PEX11B: variants seen among roughly 807,000 people sequenced by gnomAD.
PEX11B encodes the protein peroxisomal biogenesis factor 11 beta, also known as peroxisomal membrane protein 11B.
Under a neutral mutation model 28.2 loss-of-function variants are expected in PEX11B, and 18 were observed. The ratio of observed to expected loss-of-function variants is 0.64; its 90% confidence interval spans 0.44 to 0.95. The LOEUF is 0.95. Ranked by LOEUF, PEX11B falls within the 40% of genes least tolerant of loss-of-function variation. The pLI, the probability that PEX11B is intolerant of heterozygous loss-of-function variation, is 0.00. For missense variants in PEX11B, 305 were observed against 319.8 expected (o/e 0.95, Z 0.35); for synonymous variants, 128 against 128.7 (o/e 0.99, Z 0.04).
intron 3 of PEX11B, among the ~76,000 whole-genome samples, chr1:145,914,841 T>C (rs1647290259): frequency 6.6e-6 from 1 of 152,226 alleles, no homozygotes. Context: ...TTTAATTTAT[T>C]GTTTATTTAT....
Position 145,912,030 on chromosome 1 carries a change from TC to T in PEX11B, c.*130del, listed in dbSNP as rs1559221110. ...CTTACCTCATCTTCCCCAAAGCTCT[TC>T]CTCCACCCCTAAATCTCTGAATTTC... is the stretch of plus-strand genomic sequence containing the variant. On this transcript the variant is annotated 3_prime_UTR_variant, in exon 4 of 4. Coordinates refer to ENST00000369306, the MANE Select transcript of PEX11B (RefSeq NM_003846.3). 3.1e-6 allele frequency: 2 copies of T among 654,864 alleles called. No individual in the cohort carries two copies. Among genetic ancestry groups the T allele is most frequent in the Admixed American group, 3.6e-5 (1 of 27,954 alleles). 40.6% of individuals were successfully genotyped at this position (654,864 alleles called of 1,614,324 possible). A position where few individuals can be genotyped will look rare whatever the true frequency, so the allele number is the denominator to read the frequency against.
At chr1:145,915,048 C>T (rs1448417961) in intron 3 of PEX11B, among the ~76,000 whole-genome samples, 1 of 151,944 alleles carries the variant, frequency 6.6e-6, no homozygotes, top group Non-Finnish European at 1.5e-5. Flanking sequence ...GGATTACAGG[C>T]ATGCGCCACC....
intron 2 of PEX11B, among the ~76,000 whole-genome samples, chr1:145,917,410 G>A (rs967257260): frequency 1.3e-5 from 2 of 152,096 alleles, no homozygotes; most frequent in Non-Finnish European, 2.9e-5. Flanking sequence ...TGACCTGGAC[G>A]AGAGACTCTG....
chr1:145,914,373 CAA>C (rs782609110), intron 3 of PEX11B, among the ~76,000 whole-genome samples: 2 of 116,492 alleles, frequency 1.7e-5, no homozygotes, highest in Non-Finnish European at 1.9e-5. Flanking sequence ...GACTCCATCT[CAA>C]AAAAAAAAAA....
rs200537584 is a variant in PEX11B at position 145,917,779 on chromosome 1, G to C, written c.94C>G (p.Leu32Val). Residue 32 changes from leucine (L) to valine (V), a missense_variant, in exon 2 of 4, where the codon CTG becomes GTG. By Grantham distance (32) the Leu-to-Val change is conservative (BLOSUM62 1). Transcript: ENST00000369306. Reference sequence around the variant, plus strand: ...TCAGGACTGGCTCCATGCCTCTGCAGCGCATGGCCAAGAAGAGAGCAAGCA... The same window carrying C: ...TCAGGACTGGCTCCATGCCTCTGCACCGCATGGCCAAGAAGAGAGCAAGCA... ...QYACSLLGHA[L>V]QRHGASPELQ... 6.2e-7 allele frequency: 1 copy of C among 1,613,640 alleles called. No individual in the cohort carries two copies. Among genetic ancestry groups the C allele is most frequent in the East Asian group, 2.2e-5 (1 of 44,874 alleles).
At chr1:145,917,094 C>CA in intron 2 of PEX11B, 76 bp from the exon 3 acceptor site, 1 of 946,526 alleles carries the variant, frequency 1.1e-6, no homozygotes, top group Non-Finnish European at 1.7e-6. Context: ...ACAGAGAAAG[C>CA]AAGAGGGCAA....
rs2101860528 is a variant in PEX11B at position 145,915,424 on chromosome 1, A to T, written c.374+1393T>A. ...AAATCACTGAGAAAGATGAAGGGAA[A>T]AGCAAGGTTAATATAATGAAAAAGT... On this transcript the variant is annotated intron_variant, in intron 3 of 3. Transcript: ENST00000369306. Among the ~76,000 whole-genome samples the T allele has an allele frequency of 1.3e-5, 2 of 152,298 alleles. 1 individual carries two copies. The highest frequency in any genetic ancestry group is 4.2e-4 in the South Asian group (2 of 4,818).
chr1:145,917,796 G>C lies in PEX11B; in HGVS notation c.77C>G (p.Ser26Cys), dbSNP rs587668751. 6.2e-6 allele frequency: 10 copies of C among 1,613,452 alleles called. No homozygotes were observed. The Admixed American group carries it at 8.3e-5, about 13-fold the overall frequency. The change falls in exon 2 of 4, where the codon TCT becomes TGT. Residue 26 changes from serine (S) to cysteine (C), a missense_variant. Coordinates refer to ENST00000369306, the MANE Select transcript of PEX11B (RefSeq NM_003846.3). ...CCTCTGCAGCGCATGGCCAAGAAGAGAGCAAGCATACTGGGCGGCCCTAGA... is the reference window on the plus strand; with the variant it reads ...CCTCTGCAGCGCATGGCCAAGAAGACAGCAAGCATACTGGGCGGCCCTAGA... ...RLCRAAQYAC[S>C]LLGHALQRHG... is the part of the protein sequence containing the mutation.
At chr1:145,916,349 G>A (rs1285549664) in intron 3 of PEX11B, among the ~76,000 whole-genome samples, 1 of 152,136 alleles carries the variant, frequency 6.6e-6, no homozygotes, top group East Asian at 1.9e-4. Flanking sequence ...CTCCCCTTGT[G>A]ATATTCTTTC....
rs1157080838 is a variant in PEX11B at position 145,918,335 on chromosome 1, G to C, written c.56+298C>G. The C allele has an allele frequency of 2.6e-6, 4 of 1,512,840 alleles. No homozygotes were observed. The East Asian group carries it at 9.8e-5, about 37-fold the overall frequency. 93.7% of individuals were successfully genotyped at this position (1,512,840 alleles called of 1,614,324 possible). On this transcript the variant is annotated intron_variant, in intron 1 of 3. Transcript: ENST00000369306. ...AGAGTCTGGGGCTATCCACCGTGGGGCGAATGCTCCTCATTCCATCACCGC... is the reference window on the plus strand; with the variant it reads ...AGAGTCTGGGGCTATCCACCGTGGGCCGAATGCTCCTCATTCCATCACCGC...
At position 145,918,712 on chromosome 1, in the gene PEX11B, G is replaced by A. The variant is rs587655188; in HGVS notation, c.-24C>T. The A allele has an allele frequency of 2.9e-5, 45 of 1,559,144 alleles. No individual in the cohort carries two copies. The highest frequency in any genetic ancestry group is 4.7e-5 in the East Asian group (2 of 42,232). ...ATGACAGCCGCAGCCCAGGCTCCGCGGCCCTGCTCCCGCCCCACTTCCCGC... is the reference window on the plus strand; with the variant it reads ...ATGACAGCCGCAGCCCAGGCTCCGCAGCCCTGCTCCCGCCCCACTTCCCGC... On this transcript the variant is annotated 5_prime_UTR_variant, in exon 1 of 4. Transcript: ENST00000369306.
In PEX11B at chr1:145,911,495, G is replaced by T; in HGVS notation, c.*666C>A. On this transcript the variant is annotated 3_prime_UTR_variant, in exon 4 of 4. Coordinates refer to ENST00000369306, the MANE Select transcript of PEX11B (RefSeq NM_003846.3). ...GCATCATTCTGGATAAGCGACAAAG[G>T]AGTAAGAACAGACTGGGGAATAAAG... The T allele has an allele frequency of 6.3e-6, 1 of 157,942 alleles. No individual in the cohort carries two copies. Among genetic ancestry groups the T allele is most frequent in the East Asian group, 1.5e-4 (1 of 6,774 alleles). The allele number at this position is 157,942 out of a possible 1,614,324, so 9.8% of individuals were successfully genotyped here. A position where few individuals can be genotyped will look rare whatever the true frequency, so the allele number is the denominator to read the frequency against.
chr1:145,918,475 A>T (rs1474760541), intron 1 of PEX11B, 158 bp downstream of exon 1: 1 of 1,534,584 alleles, frequency 6.5e-7, no homozygotes, highest in East Asian at 2.4e-5. Context: ...GAATCATCTC[A>T]ACAGCGGCTC....
Position 145,912,134 on chromosome 1 carries a change from G to T in PEX11B, c.*27C>A, listed in dbSNP as rs782783571. ...CTAAGATTCCATCTCACCAATTCAG[G>T]TCCCCTCCTTATCCTGTACCGGAAG... On this transcript the variant is annotated 3_prime_UTR_variant, in exon 4 of 4. Transcript: ENST00000369306. 2 of 1,509,320 alleles carry T rather than the reference G, an allele frequency of 1.3e-6. No individual in the cohort carries two copies. Among genetic ancestry groups the T allele is most frequent in the African/African-American group, 1.4e-5 (1 of 71,696 alleles). 93.5% of individuals were successfully genotyped at this position (1,509,320 alleles called of 1,614,324 possible). A position where few individuals can be genotyped will look rare whatever the true frequency, so the allele number is the denominator to read the frequency against.
rs782788179 is a variant in PEX11B, at chr1:145,917,830, C to T, written c.57-14G>A. 1.9e-6 allele frequency: 3 copies of T among 1,585,518 alleles called. No homozygotes were observed. The highest frequency in any genetic ancestry group is 2.6e-6 in the Non-Finnish European group (3 of 1,154,318). On this transcript the variant is annotated splice_polypyrimidine_tract_variant and intron_variant, in intron 1 of 3. Coordinates refer to ENST00000369306, the MANE Select transcript of PEX11B (RefSeq NM_003846.3). ...TACTGGGCGGCCCTAGAGGAGAGGG[C>T]AGGCAAGGTAAGGTGGAGACCTCCC...
At chr1:145,918,009 A>G (rs990545951) in intron 1 of PEX11B, 193 bp from the exon 2 acceptor site, 1 of 984,136 alleles carries the variant, frequency 1.0e-6, no homozygotes, top group Non-Finnish European at 1.2e-6. Flanking sequence ...GAGTCTAGAA[A>G]GGGGTGGGGA....
Position 145,916,783 on chromosome 1 carries a change from A to G in PEX11B, c.374+34T>C, listed in dbSNP as rs201546041. The G allele has an allele frequency of 1.7e-4, 256 of 1,525,256 alleles. No individual in the cohort carries two copies. In the African/African-American group the frequency reaches 3.0e-3, roughly 18 times the overall value. The allele number at this position is 1,525,256 out of a possible 1,614,324, so 94.5% of individuals were successfully genotyped here. A position where few individuals can be genotyped will look rare whatever the true frequency, so the allele number is the denominator to read the frequency against. On this transcript the variant is annotated intron_variant, in intron 3 of 3. Transcript: ENST00000369306. ...CAAGCTATGCAATATAGAGGCTACA[A>G]AAAAAAATCTTAAAGGAGAACAGGA...
At chr1:145,915,634 CTT>C (rs587607174) in intron 3 of PEX11B, among the ~76,000 whole-genome samples, 18 of 137,314 alleles carry the variant, frequency 1.3e-4, no homozygotes, top group Admixed American at 1.5e-4. Flanking sequence ...CTTTTCTTTT[CTT>C]TTTTTTTTTT....
At chr1:145,917,062 A>T in intron 2 of PEX11B, 44 bp from the exon 3 acceptor site, 1 of 1,243,832 alleles carries the variant, frequency 8.0e-7, no homozygotes, top group Non-Finnish European at 1.2e-6. Context: ...GTAAGTGGAG[A>T]GGCAGATAAC....
Sources: allele counts gnomAD v4.1 joint callset (sites outside exome capture counted in the v4.1 genomes callset), GRCh38; gene constraint gnomAD v4.1.1; transcripts MANE v1.5; gene names NCBI Gene and HGNC (gene_info 2026-07-23, HGNC 2026-07-21).